Variants in SEPTIN9 observed in about 807,000 individuals in gnomAD.
The protein encoded by SEPTIN9 is septin 9, also known as septin-9.
In SEPTIN9, 13 loss-of-function variants were observed where a neutral mutation model predicts 56.6. The observed-to-expected ratio is 0.23, with a 90% CI of 0.15 to 0.37. The LOEUF (loss-of-function observed/expected upper bound fraction) is 0.37. Among genes scored for constraint, SEPTIN9 ranks in the 10% least tolerant of loss-of-function variants. The pLI is 1.00. For missense variants in SEPTIN9, 650 were observed against 823.1 expected (o/e 0.79, Z 2.57); for synonymous variants, 332 against 334.1 (o/e 0.99, Z 0.07).
intron 7 of SEPTIN9, 147 bp downstream of exon 7, chr17:77,489,011 T>G (rs1175387769): frequency 9.7e-7 from 1 of 1,034,496 alleles, no homozygotes; most frequent in African/African-American, 1.6e-5. Flanking sequence ...AAGTTGGGGG[T>G]GTGCCATGTC....
At chr17:77,387,741 A>G (rs1443237046) in intron 2 of SEPTIN9, among the ~76,000 whole-genome samples, 1 of 152,108 alleles carries the variant, frequency 6.6e-6, no homozygotes, top group East Asian at 1.9e-4. Context: ...GTGGATGGTA[A>G]GAGGCGGCTG....
At chr17:77,466,854 G>A (rs1296746814) in intron 3 of SEPTIN9, among the ~76,000 whole-genome samples, 2 of 152,214 alleles carry the variant, frequency 1.3e-5, no homozygotes, top group Admixed American at 6.5e-5. Flanking sequence ...TGAGCCGTCT[G>A]TAAACTGTAG....
At chr17:77,297,196 G>C (rs1567979944) in intron 1 of SEPTIN9, among the ~76,000 whole-genome samples, 2 of 152,156 alleles carry the variant, frequency 1.3e-5, no homozygotes. Flanking sequence ...CAAGTCTGCA[G>C]GCCTCAGGAC....
chr17:77,310,483 G>A lies in SEPTIN9; in HGVS notation c.76+3286G>A, dbSNP rs963255391. 6.6e-6 allele frequency among the ~76,000 whole-genome samples: 1 copy of A among 152,196 alleles called. No individual in the cohort carries two copies. The highest frequency in any genetic ancestry group is 1.5e-5 in the Non-Finnish European group (1 of 68,032). ...TGGTTCACTTATTTTGGCAGCTAGCGAGTGTTCCTCTGTGTGGGGAGGCAG... is the reference window on the plus strand; with the variant it reads ...TGGTTCACTTATTTTGGCAGCTAGCAAGTGTTCCTCTGTGTGGGGAGGCAG... On this transcript the variant is annotated intron_variant, in intron 2 of 11. Coordinates refer to ENST00000427177, the MANE Select transcript of SEPTIN9 (RefSeq NM_001113491.2). This position sits in a 1 kb window ranked among gnomAD's most constrained non-coding sequence, Gnocchi z 4.7.
At chr17:77,461,631 A>G (rs1568088527) in intron 3 of SEPTIN9, among the ~76,000 whole-genome samples, 1 of 152,246 alleles carries the variant, frequency 6.6e-6, no homozygotes, top group Non-Finnish European at 1.5e-5. Flanking sequence ...ACCTTTTTAA[A>G]ATCTACAGTT....
chr17:77,313,104 G>T lies in SEPTIN9; in HGVS notation c.76+5907G>T, dbSNP rs936941203. On this transcript the variant is annotated intron_variant, in intron 2 of 11. Coordinates refer to ENST00000427177, the MANE Select transcript of SEPTIN9 (RefSeq NM_001113491.2). The surrounding 1 kb of genome is among the most constrained non-coding windows in gnomAD (Gnocchi z 4.5). Reference sequence around the variant, plus strand: ...GGATGAAAGACACCCGCTCTCGGGGGAGTCTTCCGTTGGCTGCAGAGAAGC... The same window carrying T: ...GGATGAAAGACACCCGCTCTCGGGGTAGTCTTCCGTTGGCTGCAGAGAAGC... Among the ~76,000 whole-genome samples the T allele has an allele frequency of 9.2e-5, 14 of 152,244 alleles. No homozygotes were observed. The highest frequency in any genetic ancestry group is 3.4e-4 in the African/African-American group (14 of 41,474).
intron 3 of SEPTIN9, among the ~76,000 whole-genome samples, chr17:77,409,615 C>T (rs943041529): frequency 1.3e-5 from 2 of 152,214 alleles, no homozygotes; most frequent in Non-Finnish European, 2.9e-5. Context: ...AGCCCCGGCC[C>T]CCAGACACAT....
chr17:77,494,446 G>A (rs2040166792), intron 10 of SEPTIN9, among the ~76,000 whole-genome samples: 1 of 152,232 alleles, frequency 6.6e-6, no homozygotes, highest in Non-Finnish European at 1.5e-5. Flanking sequence ...GCCCAGTAGA[G>A]CAGGAAGCAC....
At chr17:77,287,310 C>T (rs924977984) in intron 1 of SEPTIN9, among the ~76,000 whole-genome samples, 21 of 152,228 alleles carry the variant, frequency 1.4e-4, no homozygotes, top group African/African-American at 5.1e-4. Flanking sequence ...GGCTGGTCAC[C>T]CCTGCCCCTT....
chr17:77,473,188 T>G (rs312820), intron 3 of SEPTIN9, among the ~76,000 whole-genome samples: 1 of 152,114 alleles, frequency 6.6e-6, no homozygotes, highest in African/African-American at 2.4e-5. Context: ...GGCCTCAGTC[T>G]TCTCCTCTTA....
At chr17:77,494,058 T>C (rs1239302939) in intron 10 of SEPTIN9, among the ~76,000 whole-genome samples, 6 of 151,844 alleles carry the variant, frequency 4.0e-5, no homozygotes, top group Non-Finnish European at 8.8e-5. Context: ...ATTACAGGAA[T>C]GAGCCACCGA....
intron 3 of SEPTIN9, among the ~76,000 whole-genome samples, chr17:77,406,992 C>T (rs1443812663): frequency 3.3e-5 from 5 of 152,060 alleles, no homozygotes; most frequent in Admixed American, 1.3e-4. Context: ...TATAAAGAAT[C>T]CCATAAGGGG....
At chr17:77,290,745 G>C (rs1256703549) in intron 1 of SEPTIN9, among the ~76,000 whole-genome samples, 1 of 150,760 alleles carries the variant, frequency 6.6e-6, no homozygotes, top group African/African-American at 2.4e-5. Context: ...AACCCGGAAG[G>C]CGGAGCTTGC....
intron 2 of SEPTIN9, among the ~76,000 whole-genome samples, chr17:77,388,220 G>T (rs2144016460): frequency 6.6e-6 from 1 of 152,308 alleles, no homozygotes; most frequent in Middle Eastern, 3.4e-3. Context: ...CTCAGAGCAG[G>T]AGGGGCCCCG....
intron 3 of SEPTIN9, among the ~76,000 whole-genome samples, chr17:77,407,789 C>T (rs1343449274): frequency 2.0e-5 from 3 of 152,232 alleles, no homozygotes; most frequent in South Asian, 2.1e-4. Context: ...CACAGAAGGG[C>T]GCTCATCCTT....
chr17:77,485,343 G>A (rs1279196840), intron 4 of SEPTIN9, among the ~76,000 whole-genome samples: 1 of 151,702 alleles, frequency 6.6e-6, no homozygotes, highest in Non-Finnish European at 1.5e-5. Flanking sequence ...TGATGGTGGT[G>A]TTGATGGTGA....
Position 77,307,606 on chromosome 17 carries a change from T to C in SEPTIN9, c.76+409T>C, listed in dbSNP as rs373736660. Among the ~76,000 whole-genome samples the C allele has an allele frequency of 3.2e-3, 485 of 152,116 alleles. 25 individuals are homozygous for C. In the South Asian group the frequency reaches 0.096, roughly 30 times the overall value. On this transcript the variant is annotated intron_variant, in intron 2 of 11. Coordinates refer to ENST00000427177, the MANE Select transcript of SEPTIN9 (RefSeq NM_001113491.2). ...GTGGGCTCCCTGCAACCTTGCAGGA[T>C]GGAAGATGCTCCAGGATAGAGCAGA...
Position 77,499,018 on chromosome 17 carries a change from G to A in SEPTIN9, c.*360G>A, listed in dbSNP as rs1040131454. 5 of 539,708 alleles carry A rather than the reference G, an allele frequency of 9.3e-6. No homozygotes were observed. Among genetic ancestry groups the A allele is most frequent in the East Asian group, 3.9e-5 (1 of 25,826 alleles). The allele number at this position is 539,708 out of a possible 1,614,324, so 33.4% of individuals were successfully genotyped here. ...TCTCAGTGCCGGAGGCCTTGGGGTG[G>A]GGGCCAGGCCTCGCACTTGCAGAGG... On this transcript the variant is annotated 3_prime_UTR_variant, in exon 12 of 12. Transcript: ENST00000427177.
intron 2 of SEPTIN9, among the ~76,000 whole-genome samples, chr17:77,362,408 C>A (rs1355255964): frequency 6.6e-6 from 1 of 152,238 alleles, no homozygotes; most frequent in Non-Finnish European, 1.5e-5. Context: ...AGAAGTTGGC[C>A]CATCTGGCTT....
Sources: gnomAD v4.1 joint callset for allele counts (sites outside exome capture counted in the v4.1 genomes callset) on GRCh38, gnomAD v4.1.1 for gene constraint, Gnocchi (gnomAD v3.1) non-coding constraint, MANE v1.5 for transcripts, NCBI Gene and HGNC (gene_info 2026-07-23, HGNC 2026-07-21) for gene names.